Variants in SNX4 observed in about 807,000 individuals in gnomAD.
SNX4 encodes the protein sorting nexin-4.
A neutral mutation model predicts 70.8 loss-of-function variants in SNX4; 49 were observed. The ratio of observed to expected loss-of-function variants is 0.69; its 90% CI spans 0.55 to 0.88. The LOEUF (loss-of-function observed/expected upper bound fraction) is 0.88, where lower values mean the gene tolerates loss of function less well. SNX4 is among the 40% of genes least tolerant of loss of function. SNX4 has a pLI of 0.00. For missense variants in SNX4, 528 were observed against 544.8 expected (o/e 0.97, Z 0.31); for synonymous variants, 206 against 183.8 (o/e 1.12, Z -0.98).
intron 9 of SNX4, among the ~76,000 whole-genome samples, chr3:125,469,125 T>C (rs985964738): frequency 2.6e-5 from 4 of 152,190 alleles, no homozygotes; most frequent in Admixed American, 6.5e-5. Context: ...TGGCTATAAA[T>C]TTTAGACTGA....
Position 125,453,921 on chromosome 3 carries a change from G to A in SNX4, c.1079C>T (p.Thr360Ile). The A allele has an allele frequency of 8.1e-6, 13 of 1,613,632 alleles. No homozygotes were observed. Among genetic ancestry groups the A allele is most frequent in the Non-Finnish European group, 1.1e-5 (13 of 1,179,816 alleles). Residue 360 changes from threonine (T) to isoleucine (I), a missense_variant, in exon 12 of 14, where the codon ACC becomes ATC. Physicochemically the swap from Thr to Ile is moderately conservative, Grantham distance 89. Coordinates refer to ENST00000251775, the MANE Select transcript of SNX4 (RefSeq NM_003794.4). Reference protein sequence around the residue: ...VRTFSLKGMTTKLFGQETPEQ... With the variant: ...VRTFSLKGMTIKLFGQETPEQ... ...TGGAGTTTCTTGACCAAAGAGCTTG[G>A]TAGTCATTCCCTTCAAAGAGAATGT...
intron 5 of SNX4, among the ~76,000 whole-genome samples, chr3:125,489,932 C>G (rs1011107442): frequency 1.2e-4 from 19 of 152,004 alleles, no homozygotes; most frequent in African/African-American, 4.6e-4. Context: ...TTGAGACCAG[C>G]CTGGCCAACA....
chr3:125,488,414 G>A (rs1934580307), intron 6 of SNX4, among the ~76,000 whole-genome samples: 1 of 152,064 alleles, frequency 6.6e-6, no homozygotes, highest in African/African-American at 2.4e-5. Flanking sequence ...GGCAGAGGTT[G>A]CAGTGAGCAG....
At chr3:125,478,811 C>T (rs979321171) in intron 7 of SNX4, among the ~76,000 whole-genome samples, 6 of 152,070 alleles carry the variant, frequency 3.9e-5, no homozygotes, top group Non-Finnish European at 7.4e-5. Flanking sequence ...TGTCCCCCAT[C>T]TGCACCTCCC....
At chr3:125,510,841 A>G (rs1935155827) in intron 1 of SNX4, among the ~76,000 whole-genome samples, 1 of 152,226 alleles carries the variant, frequency 6.6e-6, no homozygotes, top group Non-Finnish European at 1.5e-5. Flanking sequence ...GGCTGGTTGT[A>G]CAATGTACGT....
Position 125,457,368 on chromosome 3 carries a change from A to G in SNX4, c.945-3T>C. The G allele has an allele frequency of 6.2e-7, 1 of 1,610,276 alleles. No individual in the cohort carries two copies. The highest frequency in any genetic ancestry group is 2.2e-5 in the East Asian group (1 of 44,856). ...GTTCATGTTTCCTGCACACAGCCCT[A>G]CAGATGAAAAAATGTGCTGCCATTT... On this transcript the variant is annotated splice_region_variant and splice_polypyrimidine_tract_variant and intron_variant, in intron 10 of 13. Coordinates refer to ENST00000251775, the MANE Select transcript of SNX4 (RefSeq NM_003794.4).
chr3:125,506,792 A>T (rs1171273558), intron 1 of SNX4, among the ~76,000 whole-genome samples: 2 of 132,620 alleles, frequency 1.5e-5, no homozygotes, highest in African/African-American at 5.6e-5. Flanking sequence ...ATGCTCAGAG[A>T]ACTTAAAGAA....
rs745438062 is a variant in SNX4, at chr3:125,470,915, G to A, written c.789-1396C>T. On this transcript the variant is annotated intron_variant, in intron 8 of 13. Coordinates refer to ENST00000251775, the MANE Select transcript of SNX4 (RefSeq NM_003794.4). ...CCAACAATTAAGAACAGACACTCAG[G>A]CCCAGAAACCTAACATGGTTTACTC... Among the ~76,000 whole-genome samples the A allele has an allele frequency of 1.6e-4, 24 of 152,202 alleles. No individual in the cohort carries two copies. In the Middle Eastern group the frequency reaches 0.01, roughly 65 times the overall value.
intron 8 of SNX4, among the ~76,000 whole-genome samples, chr3:125,476,265 CAAA>C (rs749425097): frequency 6.4e-5 from 3 of 46,824 alleles, no homozygotes; most frequent in South Asian, 9.2e-4. Context: ...GACTCCATCT[CAAA>C]AAAAAAAAAA....
chr3:125,510,990 CTGACCGCAACCTCA>C (rs1935159808), intron 1 of SNX4, among the ~76,000 whole-genome samples: 1 of 152,246 alleles, frequency 6.6e-6, no homozygotes, highest in South Asian at 2.1e-4. Context: ...ACGATCTCGG[CTGACCGCAACCTCA>C]GCCTCCTGGG....
Position 125,520,187 on chromosome 3 carries a change from G to A in SNX4, c.-15C>T, listed in dbSNP as rs1408814094. The A allele has an allele frequency of 3.7e-6, 5 of 1,358,374 alleles. No homozygotes were observed. Among genetic ancestry groups the A allele is most frequent in the Middle Eastern group, 2.7e-4 (1 of 3,648 alleles). 84.1% of individuals were successfully genotyped at this position (1,358,374 alleles called of 1,614,324 possible). On this transcript the variant is annotated 5_prime_UTR_variant, in exon 1 of 14. Coordinates refer to ENST00000251775, the MANE Select transcript of SNX4 (RefSeq NM_003794.4). ...GCCTGCTCCATGGCTGCAGTTCGGC[G>A]CGGCGAACCCAGTGCGCCTGCGCCG...
At chr3:125,465,670 T>C (rs1325748746) in intron 9 of SNX4, among the ~76,000 whole-genome samples, 5 of 152,114 alleles carry the variant, frequency 3.3e-5, no homozygotes. Flanking sequence ...TGAGACAAAG[T>C]CTCACTCTGT....
rs1934198954 is a variant in SNX4 at position 125,472,494 on chromosome 3, A to C, written c.789-2975T>G. 1.3e-5 allele frequency among the ~76,000 whole-genome samples: 2 copies of C among 152,234 alleles called. 1 individual carries two copies. The highest frequency in any genetic ancestry group is 4.1e-4 in the South Asian group (2 of 4,832). On this transcript the variant is annotated intron_variant, in intron 8 of 13. Transcript: ENST00000251775. ...CATGGCACACTCTTTCTGAAGAATA[A>C]ATTTTACTTAAACATTAGTGGGGAA... is the stretch of plus-strand genomic sequence containing the variant.
At chr3:125,498,250 T>TA in intron 2 of SNX4, 56 bp from the exon 3 acceptor site, 1 of 1,430,902 alleles carries the variant, frequency 7.0e-7, no homozygotes. Flanking sequence ...TACATACACA[T>TA]AAATACAATC....
chr3:125,458,565 C>G (rs1933785038), intron 10 of SNX4, among the ~76,000 whole-genome samples: 1 of 151,890 alleles, frequency 6.6e-6, no homozygotes, highest in African/African-American at 2.4e-5. Context: ...GCCTGTAATC[C>G]CAGCACTTTG....
At chr3:125,505,655 T>G (rs746104796) in intron 1 of SNX4, among the ~76,000 whole-genome samples, 1 of 152,180 alleles carries the variant, frequency 6.6e-6, no homozygotes, top group African/African-American at 2.4e-5. Flanking sequence ...ACAGACGAAG[T>G]GGTGGTCATT....
chr3:125,471,325 C>A (rs9813768), intron 8 of SNX4, among the ~76,000 whole-genome samples: 1 of 83,236 alleles, frequency 1.2e-5, no homozygotes, highest in Non-Finnish European at 2.1e-5. Context: ...GTGTGGGCAA[C>A]AAGAGCAAAG....
chr3:125,504,668 G>C lies in SNX4; in HGVS notation c.218C>G (p.Ala73Gly). Residue 73 changes from alanine (A) to glycine (G), a missense_variant, in exon 2 of 14, where the codon GCC becomes GGC. Around this residue, in one of 3 missense-constraint regions of SNX4, gnomAD observed 341 missense variants for 312.2 expected, o/e 1.09. Coordinates refer to ENST00000251775, the MANE Select transcript of SNX4 (RefSeq NM_003794.4). ...SEAEKRTGRN[A>G]MNMQETYTAY... ...AGTATATGTTTCTTGCATGTTCATG[G>C]CATTTCTTCCAGTTCGTTTTTCTGC... 9 of 1,613,822 alleles carry C rather than the reference G, an allele frequency of 5.6e-6. No individual in the cohort carries two copies. The highest frequency in any genetic ancestry group is 7.6e-6 in the Non-Finnish European group (9 of 1,179,886).
rs879755383 is a variant in SNX4 at position 125,510,234 on chromosome 3, A to AT, written c.142-5491dup. Among the ~76,000 whole-genome samples, 777 of 143,806 alleles carry AT rather than the reference A, an allele frequency of 5.4e-3. 4 individuals carry two copies. Among genetic ancestry groups the AT allele is most frequent in the African/African-American group, 7.5e-3 (297 of 39,468 alleles). The allele number at this position is 143,806 out of a possible 152,430, so 94.3% of individuals were successfully genotyped here. ...CAAATGTCCATCAACAGATGAATGG[A>AT]TTTTTTTTTTTTTTTTGAGACGGAG... On this transcript the variant is annotated intron_variant, in intron 1 of 13. Coordinates refer to ENST00000251775, the MANE Select transcript of SNX4 (RefSeq NM_003794.4).
Sources: allele counts gnomAD v4.1 joint callset (sites outside exome capture counted in the v4.1 genomes callset), GRCh38; gene constraint gnomAD v4.1.1; regional missense constraint gnomAD v4.1.1; transcripts MANE v1.5; gene names NCBI Gene and HGNC (gene_info 2026-07-23, HGNC 2026-07-21).